FAM184A: variants seen among roughly 807,000 people sequenced by gnomAD.
FAM184A encodes protein FAM184A.
In FAM184A, 99 loss-of-function variants were observed where a neutral mutation model predicts 143.8. The ratio of observed to expected loss-of-function variants is 0.69; its 90% CI spans 0.58 to 0.81. The LOEUF (loss-of-function observed/expected upper bound fraction) is 0.81. FAM184A is among the 40% of genes least tolerant of loss of function. The pLI is 0.00. For synonymous variants in FAM184A, 427 were observed against 446.4 expected, an observed-to-expected ratio of 0.96 and a Z score of 0.55; for missense variants, 1,217 against 1,310.5, an observed-to-expected ratio of 0.93 and a Z score of 1.10.
chr6:119,041,269 T>TC (rs1429790108), intron 1 of FAM184A, among the ~76,000 whole-genome samples: 3 of 152,072 alleles, frequency 2.0e-5, no homozygotes, highest in African/African-American at 7.2e-5. Flanking sequence ...AAGCTAAAAT[T>TC]ATGATGAGAT....
intron 6 of FAM184A, 136 bp from the exon 7 acceptor site, chr6:119,006,744 C>G (rs960465382): frequency 3.0e-6 from 2 of 670,578 alleles, no homozygotes; most frequent in Non-Finnish European, 4.7e-6. Flanking sequence ...TTGGAAAAAG[C>G]ACTCAAATAA....
Position 119,023,552 on chromosome 6 carries a change from TCCGC to T in FAM184A, c.1014+403_1014+406del, listed in dbSNP as rs1562477896. Reference sequence around the variant, plus strand: ...CTTTTGTAAATAATTAGCAATATTGTCCGCCCCCCCCCCCAGGAACAGCGTATTA... The same window carrying T: ...CTTTTGTAAATAATTAGCAATATTGTCCCCCCCCCCAGGAACAGCGTATTA... On this transcript the variant is annotated intron_variant, in intron 2 of 17. Transcript: ENST00000338891. Among the ~76,000 whole-genome samples, 10 of 13,978 alleles carry T rather than the reference TCCGC, an allele frequency of 7.2e-4. 1 individual carries two copies. The highest frequency in any genetic ancestry group is 1.2e-3 in the Non-Finnish European group (5 of 4,316). 9.2% of individuals were successfully genotyped at this position (13,978 alleles called of 152,430 possible).
intron 2 of FAM184A, among the ~76,000 whole-genome samples, chr6:119,023,700 T>C (rs1001394490): frequency 2.0e-5 from 3 of 151,146 alleles, no homozygotes; most frequent in Non-Finnish European, 4.4e-5. Flanking sequence ...AGCCAATAAT[T>C]AGACAAGGTT....
chr6:119,106,350 G>A (rs566518069), intron 1 of FAM184A, among the ~76,000 whole-genome samples: 19 of 152,244 alleles, frequency 1.2e-4, no homozygotes, highest in African/African-American at 3.9e-4. Context: ...ATGAGATTGT[G>A]CCACTGCACT....
rs150033840 is a variant in FAM184A, at chr6:119,119,928, G to A, written c.-202+29150C>T. On this transcript the variant is annotated intron_variant, in intron 1 of 16. Coordinates refer to the FAM184A transcript ENST00000352896. ...GAGCCCAGGAGGTCGAGGCTGCAGTGAGCCATGATTGTGCCGCTGCAGCAC... is the reference window on the plus strand; with the variant it reads ...GAGCCCAGGAGGTCGAGGCTGCAGTAAGCCATGATTGTGCCGCTGCAGCAC... Among the ~76,000 whole-genome samples, 966 of 152,320 alleles carry A rather than the reference G, an allele frequency of 6.3e-3. 9 individuals are homozygous for A. Among genetic ancestry groups the A allele is most frequent in the African/African-American group, 0.022 (922 of 41,566 alleles).
intron 1 of FAM184A, among the ~76,000 whole-genome samples, chr6:119,066,007 G>C (rs1787440216): frequency 6.6e-6 from 1 of 152,198 alleles, no homozygotes; most frequent in South Asian, 2.1e-4. Flanking sequence ...AGTTAAGCTT[G>C]ATAGTTTCAG....
intron 1 of FAM184A, among the ~76,000 whole-genome samples, chr6:119,041,424 T>C (rs2114727806): frequency 6.6e-6 from 1 of 152,290 alleles, no homozygotes; most frequent in African/African-American, 2.4e-5. Context: ...GAGCGCTCAC[T>C]AAAATGCTAA....
Position 119,002,915 on chromosome 6 carries a change from T to C in FAM184A, c.2072A>G (p.Glu691Gly). 6.8e-6 allele frequency: 11 copies of C among 1,610,986 alleles called. No individual in the cohort carries two copies. The highest frequency in any genetic ancestry group is 9.3e-6 in the Non-Finnish European group (11 of 1,179,114). The change falls in exon 9 of 18, where the codon GAA becomes GGA. Residue 691 changes from glutamate (E) to glycine (G), a missense_variant. By Grantham distance (98) the Glu-to-Gly change is moderately conservative. Transcript: ENST00000338891. ...ATTAATTACCTGGTTTAAGAGATCT[T>C]CTACTTTCTTCTGCCATGAATCTCT... ...AARDSWQKKVEDLLNQISLLK... is the reference protein window; with the variant it reads ...AARDSWQKKVGDLLNQISLLK...
chr6:118,966,700 T>G (rs1241799457), intron 15 of FAM184A, 135 bp downstream of exon 15: 1 of 433,382 alleles, frequency 2.3e-6, no homozygotes, highest in African/African-American at 2.0e-5. Context: ...AACATTTCAA[T>G]GAACTTTCAA....
At chr6:119,032,456 C>T (rs2114709016) in intron 1 of FAM184A, among the ~76,000 whole-genome samples, 1 of 141,196 alleles carries the variant, frequency 7.1e-6, no homozygotes, top group East Asian at 2.3e-4. Context: ...TACTGCTTCT[C>T]TATCCCTTCC....
chr6:119,023,843 G>T (rs1195041671), intron 2 of FAM184A, 116 bp downstream of exon 2: 302 of 461,708 alleles, frequency 6.5e-4, no homozygotes, highest in Non-Finnish European at 9.3e-4. Context: ...AAAAAAAAAA[G>T]TCTAAGTGGT....
At chr6:119,043,698 A>G (rs1249577024) in intron 1 of FAM184A, among the ~76,000 whole-genome samples, 1 of 152,238 alleles carries the variant, frequency 6.6e-6, no homozygotes, top group African/African-American at 2.4e-5. Flanking sequence ...AGAGAAAAAA[A>G]GAAAAACTCT....
chr6:118,982,375 C>G (rs2114587203), intron 9 of FAM184A, among the ~76,000 whole-genome samples: 1 of 152,228 alleles, frequency 6.6e-6, no homozygotes, highest in East Asian at 1.9e-4. Flanking sequence ...ATGGGACTGC[C>G]TTTTTTGTTT....
chr6:119,053,174 G>A (rs1397239808), intron 1 of FAM184A, among the ~76,000 whole-genome samples: 1 of 152,172 alleles, frequency 6.6e-6, no homozygotes, highest in Non-Finnish European at 1.5e-5. Flanking sequence ...AGGGAAGCTG[G>A]TGGTTGCTTG....
At chr6:119,069,655 A>G (rs150360794) in intron 1 of FAM184A, among the ~76,000 whole-genome samples, 2,122 of 152,326 alleles carry the variant, frequency 0.014, 20 homozygotes, top group Non-Finnish European at 0.023. Flanking sequence ...TAGGACTAGC[A>G]TAAGTTTGGT....
intron 1 of FAM184A, among the ~76,000 whole-genome samples, chr6:119,071,013 A>G (rs947448764): frequency 6.6e-6 from 1 of 152,118 alleles, no homozygotes; most frequent in Non-Finnish European, 1.5e-5. Context: ...CAAACTAATT[A>G]GCTTTATAGA....
chr6:119,068,037 T>G (rs545062161), intron 1 of FAM184A, among the ~76,000 whole-genome samples: 38 of 124,936 alleles, frequency 3.0e-4, no homozygotes, highest in African/African-American at 3.9e-4. Context: ...TATTGTTTTT[T>G]TGTGTGTGGG....
chr6:119,107,426 C>A (rs541893746), intron 1 of FAM184A, among the ~76,000 whole-genome samples: 15 of 152,190 alleles, frequency 9.9e-5, no homozygotes, highest in Middle Eastern at 3.4e-3. Flanking sequence ...GTAAGAGGAG[C>A]TTTTATTAGC....
At chr6:119,144,856 C>A (rs1772371382) in intron 1 of FAM184A, among the ~76,000 whole-genome samples, 1 of 152,186 alleles carries the variant, frequency 6.6e-6, no homozygotes, top group South Asian at 2.1e-4. Context: ...TGCACCCCTG[C>A]TTGTCTTTGT....
Sources: allele counts gnomAD v4.1 joint callset (sites outside exome capture counted in the v4.1 genomes callset), GRCh38; gene constraint gnomAD v4.1.1; transcripts MANE v1.5; gene names NCBI Gene and HGNC (gene_info 2026-07-23, HGNC 2026-07-21).